The following STMN2 variants were observed in gnomAD, a reference collection of about 807,000 sequenced individuals.
STMN2 encodes stathmin 2, also known as stathmin-2.
Under a neutral mutation model 24.1 loss-of-function variants are expected in STMN2, and 2 were observed. The ratio of observed to expected loss-of-function variants is 0.08; its 90% CI spans 0.03 to 0.26. The LOEUF is 0.26. Ranked by LOEUF, STMN2 falls within the 10% of genes least tolerant of loss-of-function variation. The pLI is 1.00. For missense variants in STMN2, 114 were observed against 213.6 expected, an observed-to-expected ratio of 0.53 and a Z score of 2.91; for synonymous variants, 83 against 77.5, an observed-to-expected ratio of 1.07 and a Z score of -0.37.
In STMN2 at chr8:79,634,370, G is replaced by A. The variant is rs540578440; in HGVS notation, c.20-2432G>A. 2.0e-5 allele frequency among the ~76,000 whole-genome samples: 3 copies of A among 152,230 alleles called. No homozygotes were observed. In the East Asian group the frequency reaches 5.8e-4, roughly 29 times the overall value. ...GGTTTAGCCTTCTAAAATTCCAAAG[G>A]CGTTCAACAAAATATCTCAGAATGG... On this transcript the variant is annotated intron_variant, in intron 1 of 4. Transcript: ENST00000220876.
chr8:79,637,695 C>T (rs1809999229), intron 2 of STMN2, among the ~76,000 whole-genome samples: 2 of 152,176 alleles, frequency 1.3e-5, no homozygotes, highest in African/African-American at 4.8e-5. Context: ...TCAACATCAT[C>T]CTTACCTAAT....
intron 1 of STMN2, among the ~76,000 whole-genome samples, chr8:79,611,964 G>C (rs1468297440): frequency 1.3e-5 from 2 of 151,934 alleles, no homozygotes; most frequent in Non-Finnish European, 2.9e-5. Context: ...CGAAGGCGCT[G>C]GGGTGGGGTT....
In STMN2 at chr8:79,620,922, G is replaced by A. The variant is rs561379868; in HGVS notation, c.19+9708G>A. On this transcript the variant is annotated intron_variant, in intron 1 of 4. Coordinates refer to ENST00000220876, the MANE Select transcript of STMN2 (RefSeq NM_007029.4). ...ACAAGCTCCCAGGTGGTGCTGATGA[G>A]GCTGATTCAGAACCACACTTGGAGT... is the stretch of plus-strand genomic sequence containing the variant. 127 of 979,610 alleles carry A rather than the reference G, an allele frequency of 1.3e-4. No homozygotes were observed. The Middle Eastern group carries it at 2.1e-3, about 16-fold the overall frequency. The allele number at this position is 979,610 out of a possible 1,614,324, so 60.7% of individuals were successfully genotyped here.
chr8:79,652,888 G>T (rs1358560697), intron 3 of STMN2, among the ~76,000 whole-genome samples: 2 of 152,042 alleles, frequency 1.3e-5, no homozygotes, highest in African/African-American at 2.4e-5. Context: ...AATAAGCAAA[G>T]TCTGTGTAGG....
At chr8:79,654,646 C>A (rs1399165570) in intron 3 of STMN2, among the ~76,000 whole-genome samples, 1 of 152,180 alleles carries the variant, frequency 6.6e-6, no homozygotes, top group Non-Finnish European at 1.5e-5. Context: ...TCTTCTAAGA[C>A]AGTCCGAAAT....
chr8:79,611,819 T>C, intron 1 of STMN2: 4 of 576,332 alleles, frequency 6.9e-6, no homozygotes, highest in Non-Finnish European at 8.6e-6. Context: ...AGGGTGGGGG[T>C]AGGACCTCCG....
intron 4 of STMN2, among the ~76,000 whole-genome samples, chr8:79,655,846 G>A (rs1353003093): frequency 6.6e-6 from 1 of 152,220 alleles, no homozygotes; most frequent in Non-Finnish European, 1.5e-5. Context: ...ATTGAGAAAT[G>A]GGATGTTTGA....
chr8:79,661,307 G>T (rs1806496745), intron 4 of STMN2, among the ~76,000 whole-genome samples: 1 of 151,908 alleles, frequency 6.6e-6, no homozygotes, highest in Admixed American at 6.6e-5. Context: ...ATTGTTTTTT[G>T]ACTTTTTAAT....
At chr8:79,664,692 C>A in intron 4 of STMN2, 123 bp from the exon 5 acceptor site, 1 of 781,418 alleles carries the variant, frequency 1.3e-6, no homozygotes, top group Non-Finnish European at 1.9e-6. Flanking sequence ...TATTTTCCTT[C>A]TGAAATGGGA....
intron 3 of STMN2, among the ~76,000 whole-genome samples, chr8:79,648,453 CTTT>C (rs11374351): frequency 3.1e-5 from 3 of 97,912 alleles, no homozygotes; most frequent in African/African-American, 7.8e-5. Context: ...ATATACGTTG[CTTT>C]TTTTTTTTTT....
intron 1 of STMN2, among the ~76,000 whole-genome samples, chr8:79,635,772 G>A (rs1809932276): frequency 6.6e-6 from 1 of 152,014 alleles, no homozygotes; most frequent in South Asian, 2.1e-4. Context: ...GAAGGAGAGA[G>A]GTTTGTAAAA....
chr8:79,641,977 C>CTG (rs943036852), intron 3 of STMN2, among the ~76,000 whole-genome samples: 3 of 152,134 alleles, frequency 2.0e-5, no homozygotes, highest in African/African-American at 7.2e-5. Context: ...CTCTCAGGAT[C>CTG]TGTGTCACCC....
chr8:79,641,716 A>G (rs576962813), intron 3 of STMN2, among the ~76,000 whole-genome samples, 166 bp downstream of exon 3: 3 of 151,932 alleles, frequency 2.0e-5, no homozygotes, highest in Non-Finnish European at 2.9e-5. Context: ...GCCAACATGT[A>G]TAGGTTTTCA....
chr8:79,645,597 A>G (rs909404786), intron 3 of STMN2, among the ~76,000 whole-genome samples: 4 of 152,244 alleles, frequency 2.6e-5, no homozygotes, highest in Admixed American at 1.3e-4. Context: ...TTACATTAAT[A>G]TGGGAACTCA....
intron 1 of STMN2, among the ~76,000 whole-genome samples, chr8:79,630,420 A>G (rs1055271295): frequency 6.6e-6 from 1 of 152,226 alleles, no homozygotes; most frequent in African/African-American, 2.4e-5. Context: ...GTGAGATAGA[A>G]GTCAACGTTT....
intron 3 of STMN2, among the ~76,000 whole-genome samples, chr8:79,652,499 C>G (rs1044066718): frequency 6.6e-6 from 1 of 152,080 alleles, no homozygotes; most frequent in Non-Finnish European, 1.5e-5. Flanking sequence ...CCATCAGGAT[C>G]CCTGAATCCA....
chr8:79,620,858 T>C (rs1159368658), intron 1 of STMN2: 1 of 483,904 alleles, frequency 2.1e-6, no homozygotes, highest in East Asian at 1.5e-4. Flanking sequence ...GTTCTCACTC[T>C]ATTAGGTCTG....
intron 3 of STMN2, among the ~76,000 whole-genome samples, chr8:79,644,840 A>G (rs1810184042): frequency 6.6e-6 from 1 of 152,154 alleles, no homozygotes; most frequent in Non-Finnish European, 1.5e-5. Flanking sequence ...AGCTCTGTGA[A>G]ACAGTACTGT....
intron 1 of STMN2, among the ~76,000 whole-genome samples, chr8:79,623,449 C>T (rs1809566096): frequency 6.6e-6 from 1 of 152,054 alleles, no homozygotes; most frequent in African/African-American, 2.4e-5. Context: ...TGTTTTGCCT[C>T]CTAAATATCA....
Sources: gnomAD v4.1 joint callset for allele counts (sites outside exome capture counted in the v4.1 genomes callset) on GRCh38, gnomAD v4.1.1 for gene constraint, MANE v1.5 for transcripts, NCBI Gene and HGNC (gene_info 2026-07-23, HGNC 2026-07-21) for gene names.